Variants in DACH1 observed in about 807,000 individuals in gnomAD.
DACH1 encodes dachshund family transcription factor 1.
Under a neutral mutation model 54.2 loss-of-function variants are expected in DACH1, and 12 were observed. The ratio of observed to expected loss-of-function variants is 0.22; its 90% CI spans 0.14 to 0.36. DACH1 has a LOEUF of 0.36. Ranked by LOEUF, DACH1 falls within the 10% of genes least tolerant of loss-of-function variation. The probability of loss-of-function intolerance (pLI) is 1.00; values close to 1 mark genes in which losing one functional copy is unlikely to be tolerated. For missense variants in DACH1, 805 were observed against 929.8 expected, an observed-to-expected ratio of 0.87 and a Z score of 1.75; for synonymous variants, 386 against 366.2, an observed-to-expected ratio of 1.05 and a Z score of -0.62.
chr13:71,684,677 T>C (rs1276662464), intron 1 of DACH1, among the ~76,000 whole-genome samples: 1 of 152,190 alleles, frequency 6.6e-6, no homozygotes, highest in Non-Finnish European at 1.5e-5. Context: ...ATAATCGGAT[T>C]ATTTGCTTAT....
At chr13:71,492,416 G>A (rs570813877) in intron 6 of DACH1, among the ~76,000 whole-genome samples, 164 of 152,210 alleles carry the variant, frequency 1.1e-3, no homozygotes, top group African/African-American at 3.8e-3. Flanking sequence ...ACAGAGAAGA[G>A]AAAAGGCAAA....
intron 10 of DACH1, among the ~76,000 whole-genome samples, chr13:71,470,133 G>GT (rs1385646924): frequency 1.3e-5 from 2 of 152,088 alleles, no homozygotes; most frequent in Non-Finnish European, 2.9e-5. Flanking sequence ...TGTTATTGTG[G>GT]TAAGTGAAAT....
At chr13:71,693,230 T>C (rs1055545309) in intron 1 of DACH1, among the ~76,000 whole-genome samples, 2 of 150,994 alleles carry the variant, frequency 1.3e-5, no homozygotes, top group Non-Finnish European at 2.9e-5. Context: ...GTAAAGTAAG[T>C]CCACATACAC....
At chr13:71,859,449 A>G (rs1874215152) in intron 1 of DACH1, among the ~76,000 whole-genome samples, 1 of 151,844 alleles carries the variant, frequency 6.6e-6, no homozygotes, top group South Asian at 2.1e-4. Flanking sequence ...TTTATCTGCT[A>G]TTCATTAAAT....
intron 3 of DACH1, among the ~76,000 whole-genome samples, chr13:71,601,565 A>G (rs1026923459): frequency 2.6e-5 from 4 of 151,924 alleles, no homozygotes; most frequent in Non-Finnish European, 5.9e-5. Flanking sequence ...ATTCTGTGCT[A>G]TTGGAGGAAC....
chr13:71,473,517 A>C (rs943766394), intron 10 of DACH1, among the ~76,000 whole-genome samples: 1 of 152,214 alleles, frequency 6.6e-6, no homozygotes, highest in African/African-American at 2.4e-5. Context: ...TGTATGTTTG[A>C]ACATATGTAA....
chr13:71,739,777 A>G (rs1884304804), intron 1 of DACH1, among the ~76,000 whole-genome samples: 1 of 152,218 alleles, frequency 6.6e-6, no homozygotes, highest in African/African-American at 2.4e-5. Context: ...TTTATCATCA[A>G]GTACAAATAG....
At chr13:71,570,231 A>AT (rs1885114819) in intron 4 of DACH1, among the ~76,000 whole-genome samples, 1 of 152,098 alleles carries the variant, frequency 6.6e-6, no homozygotes, top group African/African-American at 2.4e-5. Flanking sequence ...CACTCACTTG[A>AT]TTTTTATCAG....
intron 2 of DACH1, among the ~76,000 whole-genome samples, chr13:71,643,953 A>T (rs967360512): frequency 6.6e-6 from 1 of 152,166 alleles, no homozygotes; most frequent in African/African-American, 2.4e-5. Context: ...CTAAAAGCAG[A>T]GGTCAGCTTT....
At chr13:71,462,668 C>A (rs1428528637) in intron 10 of DACH1, among the ~76,000 whole-genome samples, 1 of 151,920 alleles carries the variant, frequency 6.6e-6, no homozygotes, top group African/African-American at 2.4e-5. Context: ...AGTTACTGTT[C>A]TAACTTCTTT....
intron 1 of DACH1, among the ~76,000 whole-genome samples, chr13:71,802,253 A>G (rs1887316617): frequency 6.6e-6 from 1 of 151,778 alleles, no homozygotes; most frequent in African/African-American, 2.4e-5. Context: ...ATATTCCAGG[A>G]TCGATTTAAA....
intron 1 of DACH1, among the ~76,000 whole-genome samples, chr13:71,834,772 C>A (rs1888718943): frequency 6.6e-6 from 1 of 151,976 alleles, no homozygotes; most frequent in African/African-American, 2.4e-5. Context: ...GAATAATACC[C>A]ATTTGAGATC....
chr13:71,655,149 T>G (rs1879003262), intron 2 of DACH1, among the ~76,000 whole-genome samples: 1 of 152,170 alleles, frequency 6.6e-6, no homozygotes. Context: ...GCTACAGCTG[T>G]GATGATTAGA....
intron 1 of DACH1, among the ~76,000 whole-genome samples, chr13:71,783,670 G>C (rs1168392547): frequency 6.6e-6 from 1 of 152,058 alleles, no homozygotes; most frequent in Non-Finnish European, 1.5e-5. Context: ...ATAAGAAGGA[G>C]TCTTAAGAGG....
At chr13:71,859,452 CATTAA>C (rs1012368880) in intron 1 of DACH1, among the ~76,000 whole-genome samples, 1 of 151,708 alleles carries the variant, frequency 6.6e-6, no homozygotes, top group African/African-American at 2.4e-5. Flanking sequence ...ATCTGCTATT[CATTAA>C]ATTAATTTTA....
chr13:71,585,271 T>C (rs1329539304), intron 3 of DACH1, among the ~76,000 whole-genome samples: 2 of 152,174 alleles, frequency 1.3e-5, no homozygotes, highest in African/African-American at 4.8e-5. Context: ...AATTTTCTCA[T>C]GTGCATGTGT....
At chr13:71,680,059 T>G (rs1880806980) in intron 2 of DACH1, among the ~76,000 whole-genome samples, 2 of 152,124 alleles carry the variant, frequency 1.3e-5, no homozygotes, top group African/African-American at 4.8e-5. Context: ...TATCATTCAG[T>G]TAAACATAAA....
chr13:71,853,712 T>C lies in DACH1; in HGVS notation c.848+12210A>G, dbSNP rs200708951. Among the ~76,000 whole-genome samples the C allele has an allele frequency of 2.0e-4, 30 of 152,310 alleles. No homozygotes were observed. In the East Asian group the frequency reaches 3.1e-3, roughly 16 times the overall value. On this transcript the variant is annotated intron_variant, in intron 1 of 10. Coordinates refer to ENST00000613252, the MANE Select transcript of DACH1 (RefSeq NM_080759.6). Reference sequence around the variant, plus strand: ...AAGAAGTCACATTTGTGAGTTTAAATGCACTATTCTTTTCCTTTCAATCAA... The same window carrying C: ...AAGAAGTCACATTTGTGAGTTTAAACGCACTATTCTTTTCCTTTCAATCAA...
chr13:71,698,659 A>G (rs73215226), intron 1 of DACH1, among the ~76,000 whole-genome samples: 4,185 of 152,248 alleles, frequency 0.027, 77 homozygotes, highest in Non-Finnish European at 0.044. Context: ...ATAGAAATCT[A>G]GATTTTAAAA....
Sources: allele counts gnomAD v4.1 joint callset (sites outside exome capture counted in the v4.1 genomes callset), GRCh38; gene constraint gnomAD v4.1.1; transcripts MANE v1.5; gene names NCBI Gene and HGNC (gene_info 2026-07-23, HGNC 2026-07-21).